RFX7: variants seen among roughly 807,000 people sequenced by gnomAD.
The protein encoded by RFX7 is DNA-binding protein RFX7.
A neutral mutation model predicts 111.8 loss-of-function variants in RFX7; 26 were observed. That is an observed-to-expected ratio of 0.23 (90% CI 0.17 to 0.32). RFX7 has a LOEUF of 0.32. Ranked by LOEUF, RFX7 falls within the 10% of genes least tolerant of loss-of-function variation. The pLI is 1.00. For synonymous variants in RFX7, 624 were observed against 624.4 expected, an observed-to-expected ratio of 1.00 and a Z score of 0.01; for missense variants, 1,573 against 1,772.9, an observed-to-expected ratio of 0.89 and a Z score of 2.02.
chr15:56,151,074 ATC>A (rs1349165151), intron 3 of RFX7, among the ~76,000 whole-genome samples: 1 of 152,224 alleles, frequency 6.6e-6, no homozygotes, highest in African/African-American at 2.4e-5. Flanking sequence ...AAAAGACCAA[ATC>A]TACATTTGAT....
intron 3 of RFX7, among the ~76,000 whole-genome samples, chr15:56,174,629 C>T (rs906089157): frequency 2.0e-5 from 3 of 152,002 alleles, no homozygotes; most frequent in African/African-American, 4.8e-5. Context: ...TGCCTGTAGT[C>T]CCAGCTACTC....
At chr15:56,101,070 T>A (rs1167430776) in intron 8 of RFX7, among the ~76,000 whole-genome samples, 1 of 152,142 alleles carries the variant, frequency 6.6e-6, no homozygotes, top group Non-Finnish European at 1.5e-5. Flanking sequence ...ACACATTCTA[T>A]AAATGTAAAA....
In RFX7 at chr15:56,090,900, G is replaced by A. The variant is rs1435145417; in HGVS notation, c.*2445C>T. ...TTTTATGATAAACAGTATGCAAAAT[G>A]TTTTAAACATCAAAACAATAAAAAT... is the stretch of plus-strand genomic sequence containing the variant. On this transcript the variant is annotated 3_prime_UTR_variant, in exon 10 of 10. Transcript: ENST00000559447. 6.6e-6 allele frequency: 1 copy of A among 152,510 alleles called. No homozygotes were observed. Among genetic ancestry groups the A allele is most frequent in the African/African-American group, 2.4e-5 (1 of 41,412 alleles). The allele number at this position is 152,510 out of a possible 1,614,324, so 9.4% of individuals were successfully genotyped here. A position where few individuals can be genotyped will look rare whatever the true frequency, so the allele number is the denominator to read the frequency against.
chr15:56,220,597 G>A (rs1300069396), intron 2 of RFX7, among the ~76,000 whole-genome samples: 1 of 151,960 alleles, frequency 6.6e-6, no homozygotes, highest in Non-Finnish European at 1.5e-5. Flanking sequence ...TTTGTCAGAT[G>A]CATAGTTTGC....
chr15:56,138,326 T>A (rs1398279111), intron 5 of RFX7, among the ~76,000 whole-genome samples: 1 of 150,604 alleles, frequency 6.6e-6, no homozygotes, highest in Non-Finnish European at 1.5e-5. Flanking sequence ...ATATTTAGGA[T>A]AGTTAGCTCT....
At position 56,127,570 on chromosome 15, in the gene RFX7, C is replaced by T. The variant is rs182252398; in HGVS notation, c.401+15208G>A. On this transcript the variant is annotated intron_variant, in intron 5 of 9. Transcript: ENST00000559447. ...AAAAGATTTTTTTTTTTTTTTGAGACGGAGTTTCGCTCTGTCGCCCAGGCT... is the reference window on the plus strand; with the variant it reads ...AAAAGATTTTTTTTTTTTTTTGAGATGGAGTTTCGCTCTGTCGCCCAGGCT... Among the ~76,000 whole-genome samples the T allele has an allele frequency of 1.4e-3, 204 of 142,464 alleles. 1 individual carries two copies. Among genetic ancestry groups the T allele is most frequent in the African/African-American group, 4.5e-3 (172 of 38,272 alleles). 93.5% of individuals were successfully genotyped at this position (142,464 alleles called of 152,430 possible).
intron 5 of RFX7, among the ~76,000 whole-genome samples, chr15:56,142,047 G>A (rs865869839): frequency 1.3e-5 from 2 of 152,016 alleles, no homozygotes; most frequent in African/African-American, 4.8e-5. Flanking sequence ...CCCCAAATTT[G>A]TAAGTACAAC....
Position 56,090,058 on chromosome 15 carries a change from G to C in RFX7, c.*3287C>G, listed in dbSNP as rs115979506. On this transcript the variant is annotated 3_prime_UTR_variant, in exon 10 of 10. Transcript: ENST00000559447. ...AGGAGCTGACATTTCTGGCTACTTC[G>C]GCCTGCTTCCAGACCTGTAGCCCAG... is the stretch of plus-strand genomic sequence containing the variant. 1 of 152,040 alleles carries C rather than the reference G, an allele frequency of 6.6e-6. No individual in the cohort carries two copies. The highest frequency in any genetic ancestry group is 6.6e-5 in the Admixed American group (1 of 15,252). The allele number at this position is 152,040 out of a possible 1,614,324, so 9.4% of individuals were successfully genotyped here. A position where few individuals can be genotyped will look rare whatever the true frequency, so the allele number is the denominator to read the frequency against.
At chr15:56,197,033 T>C (rs2043152038) in intron 2 of RFX7, among the ~76,000 whole-genome samples, 1 of 152,152 alleles carries the variant, frequency 6.6e-6, no homozygotes, top group South Asian at 2.1e-4. Context: ...TAAGACTGAT[T>C]TCTCTCTATC....
intron 2 of RFX7, among the ~76,000 whole-genome samples, chr15:56,196,634 G>A (rs1383342755): frequency 1.3e-5 from 2 of 151,810 alleles, no homozygotes; most frequent in East Asian, 3.9e-4. Context: ...CACTCGGAAG[G>A]AATCAACCCT....
At chr15:56,155,128 A>G (rs1339948446) in intron 3 of RFX7, among the ~76,000 whole-genome samples, 1 of 152,198 alleles carries the variant, frequency 6.6e-6, no homozygotes, top group African/African-American at 2.4e-5. Flanking sequence ...AGGAAACAAC[A>G]GATTCTGGAG....
At position 56,095,884 on chromosome 15, in the gene RFX7, G is replaced by GTTGAC; in HGVS notation, c.1839_1843dup (p.Thr615SerfsTer19). 1.2e-6 allele frequency: 2 copies of GTTGAC among 1,605,536 alleles called. No homozygotes were observed. The highest frequency in any genetic ancestry group is 1.7e-6 in the Non-Finnish European group (2 of 1,179,846). On this transcript the variant is annotated frameshift_variant, in exon 10 of 10. Coordinates refer to ENST00000559447, the MANE Select transcript of RFX7 (RefSeq NM_022841.7). LOFTEE classifies it high-confidence loss of function. ...AGTGATAGTGCTTTGATTATTGCCT[G>GTTGAC]TTGACGTGCCTGGCAGCATTTCATT...
chr15:56,192,679 CCAG>C (rs1346984355), intron 2 of RFX7: 2 of 216,438 alleles, frequency 9.2e-6, no homozygotes, highest in Non-Finnish European at 2.0e-5. Flanking sequence ...GGATGCTTTC[CCAG>C]GGTTTTGCTC....
chr15:56,101,325 G>C (rs770946848), intron 8 of RFX7, 34 bp downstream of exon 8: 4 of 1,494,664 alleles, frequency 2.7e-6, no homozygotes, highest in Non-Finnish European at 2.7e-6. Flanking sequence ...TAATACCTCT[G>C]TCAGTTTTTA....
At chr15:56,152,420 C>G (rs778617800) in intron 3 of RFX7, among the ~76,000 whole-genome samples, 12 of 152,190 alleles carry the variant, frequency 7.9e-5, no homozygotes, top group Admixed American at 1.3e-4. Context: ...CGTACAAATA[C>G]ATGGAAACTG....
chr15:56,097,746 C>CAAAAAA (rs67718449), intron 9 of RFX7, among the ~76,000 whole-genome samples: 1,739 of 47,260 alleles, frequency 0.037, 327 homozygotes, highest in Non-Finnish European at 0.049. Flanking sequence ...GACTCTGTCT[C>CAAAAAA]AAAAAAAAAA....
chr15:56,242,792 A>G (rs1269335500), intron 2 of RFX7, among the ~76,000 whole-genome samples: 9 of 152,234 alleles, frequency 5.9e-5, no homozygotes, highest in African/African-American at 2.2e-4. Context: ...CACATTCTCC[A>G]GTTCCAAATT....
intron 2 of RFX7, among the ~76,000 whole-genome samples, chr15:56,208,560 C>T (rs1292528484): frequency 6.6e-6 from 1 of 152,096 alleles, no homozygotes; most frequent in African/African-American, 2.4e-5. Context: ...AAGAGCACAG[C>T]AAACAGCAAA....
intron 5 of RFX7, among the ~76,000 whole-genome samples, chr15:56,113,014 A>C (rs2041960527): frequency 1.3e-5 from 2 of 152,216 alleles, no homozygotes; most frequent in Admixed American, 6.5e-5. Context: ...ACATGTTGGC[A>C]AGGATGTGGA....
Sources: gnomAD v4.1 joint callset for allele counts (sites outside exome capture counted in the v4.1 genomes callset) on GRCh38, gnomAD v4.1.1 for gene constraint, MANE v1.5 for transcripts, NCBI Gene and HGNC (gene_info 2026-07-23, HGNC 2026-07-21) for gene names.